The following TMEM117 variants were observed in gnomAD, a reference collection of about 807,000 sequenced individuals.
TMEM117 encodes transmembrane protein 117.
TMEM117 carries 27 observed loss-of-function variants against 52.4 expected under a neutral mutation model. The observed-to-expected ratio is 0.51, with a 90% CI of 0.38 to 0.71. The LOEUF (loss-of-function observed/expected upper bound fraction) is 0.71. TMEM117 is among the 30% of genes least tolerant of loss of function. TMEM117 has a pLI of 0.00. For synonymous variants in TMEM117, 215 were observed against 206.3 expected (o/e 1.04, Z -0.36); for missense variants, 556 against 630.5 (o/e 0.88, Z 1.26).
At chr12:43,922,955 AC>A (rs1944719469) in intron 2 of TMEM117, among the ~76,000 whole-genome samples, 1 of 152,158 alleles carries the variant, frequency 6.6e-6, no homozygotes, top group African/African-American at 2.4e-5. Flanking sequence ...CAGGCATGGG[AC>A]TTCCCAATAC....
chr12:44,143,583 G>T lies in TMEM117; in HGVS notation c.469G>T (p.Ala157Ser). 6.2e-7 allele frequency: 1 copy of T among 1,614,034 alleles called. No individual in the cohort carries two copies. The highest frequency in any genetic ancestry group is 1.1e-5 in the South Asian group (1 of 91,086). Reference protein sequence around the residue: ...IRNESFMKLAAVGTWMGDFVT... With the variant: ...IRNESFMKLASVGTWMGDFVT... Reference sequence around the variant, plus strand: ...AAATGAAAGTTTCATGAAATTAGCTGCAGTAGGGACCTGGATGGGGGACTT... The same window carrying T: ...AAATGAAAGTTTCATGAAATTAGCTTCAGTAGGGACCTGGATGGGGGACTT... Residue 157 changes from alanine (A) to serine (S), a missense_variant, in exon 4 of 8, where the codon GCA becomes TCA. Around this residue, in one of 3 missense-constraint regions of TMEM117, gnomAD observed 328 missense variants for 371.4 expected, o/e 0.88. Coordinates refer to ENST00000266534, the MANE Select transcript of TMEM117 (RefSeq NM_032256.3).
At chr12:44,011,148 G>C (rs1004506100) in intron 3 of TMEM117, among the ~76,000 whole-genome samples, 3 of 151,894 alleles carry the variant, frequency 2.0e-5, no homozygotes, top group South Asian at 2.1e-4. Flanking sequence ...AATTTCAGAG[G>C]GTACAGAATT....
Position 44,308,165 on chromosome 12 carries a change from G to A in TMEM117, c.768+8426G>A, listed in dbSNP as rs189653279. On this transcript the variant is annotated intron_variant, in intron 6 of 7. Coordinates refer to ENST00000266534, the MANE Select transcript of TMEM117 (RefSeq NM_032256.3). ...TAAAGTAAAATGCTTCAGTCCCTGG[G>A]GTATTCGTTTAAAAGAGAGCTAGAA... Among the ~76,000 whole-genome samples the A allele has an allele frequency of 5.6e-4, 85 of 152,164 alleles. No individual in the cohort carries two copies. The South Asian group carries it at 0.013, about 24-fold the overall frequency.
chr12:44,022,016 G>T (rs1946463491), intron 3 of TMEM117, among the ~76,000 whole-genome samples: 2 of 152,206 alleles, frequency 1.3e-5, no homozygotes, highest in African/African-American at 4.8e-5. Flanking sequence ...TAATAAGCCA[G>T]GTAGGTTTGT....
intron 2 of TMEM117, among the ~76,000 whole-genome samples, chr12:43,935,503 G>A (rs1413775263): frequency 2.0e-5 from 3 of 151,976 alleles, no homozygotes; most frequent in Non-Finnish European, 2.9e-5. Flanking sequence ...TTGTTACTTC[G>A]GGTTCATTTT....
At chr12:43,986,102 A>G (rs1297013476) in intron 3 of TMEM117, among the ~76,000 whole-genome samples, 1 of 152,160 alleles carries the variant, frequency 6.6e-6, no homozygotes, top group African/African-American at 2.4e-5. Context: ...AAGAAAAATT[A>G]CTGATTAAAG....
At chr12:44,149,937 C>G (rs1233352709) in intron 4 of TMEM117, among the ~76,000 whole-genome samples, 3 of 152,090 alleles carry the variant, frequency 2.0e-5, no homozygotes, top group Admixed American at 2.0e-4. Flanking sequence ...CCAGGATGAG[C>G]AAACTCATTG....
At chr12:44,008,962 T>C (rs1946246680) in intron 3 of TMEM117, 1 of 374,534 alleles carries the variant, frequency 2.7e-6, no homozygotes, top group Non-Finnish European at 5.3e-6. Flanking sequence ...TTGTGTCACA[T>C]TGGTGACGCT....
At chr12:44,246,699 G>A (rs978508071) in intron 5 of TMEM117, among the ~76,000 whole-genome samples, 1 of 152,156 alleles carries the variant, frequency 6.6e-6, no homozygotes, top group Non-Finnish European at 1.5e-5. Context: ...TTTGGGTTAA[G>A]AAGTAGACAC....
intron 3 of TMEM117, among the ~76,000 whole-genome samples, chr12:43,954,864 A>G (rs1319581783): frequency 6.6e-6 from 1 of 152,252 alleles, no homozygotes; most frequent in African/African-American, 2.4e-5. Context: ...CCTGATGAAC[A>G]TTCATGCAAA....
intron 4 of TMEM117, among the ~76,000 whole-genome samples, chr12:44,182,667 T>C (rs1395311001): frequency 6.6e-6 from 1 of 152,128 alleles, no homozygotes; most frequent in Non-Finnish European, 1.5e-5. Flanking sequence ...ATTGTAGAAT[T>C]GTTATGAAAG....
the TMEM117 span, chr12:43,802,452 A>G: frequency 6.2e-7 from 1 of 1,600,980 alleles, no homozygotes; most frequent in South Asian, 1.1e-5. Flanking sequence ...ATATGATCCA[A>G]TCACAAGTTG....
chr12:44,329,705 TTC>T (rs1273684578), intron 6 of TMEM117, among the ~76,000 whole-genome samples: 1 of 152,084 alleles, frequency 6.6e-6, no homozygotes, highest in African/African-American at 2.4e-5. Flanking sequence ...CTCTTCCACT[TTC>T]TGTCTTTATA....
At chr12:44,189,090 C>A (rs1949318022) in intron 4 of TMEM117, among the ~76,000 whole-genome samples, 1 of 152,016 alleles carries the variant, frequency 6.6e-6, no homozygotes. Context: ...TCTCTTCTAG[C>A]TATTTTGAAA....
chr12:44,053,284 G>A lies in TMEM117; in HGVS notation c.411-90241G>A, dbSNP rs975364234. ...GAATTGATTCAAGACTTAGGAAAGC[G>A]CTGTAGTTACTATAGTTACAATGAT... On this transcript the variant is annotated intron_variant, in intron 3 of 7. Coordinates refer to ENST00000266534, the MANE Select transcript of TMEM117 (RefSeq NM_032256.3). Among the ~76,000 whole-genome samples, 38 of 152,100 alleles carry A rather than the reference G, an allele frequency of 2.5e-4. 1 individual carries two copies. The highest frequency in any genetic ancestry group is 2.1e-3 in the Admixed American group (32 of 15,262).
At chr12:44,303,942 G>A (rs1950873215) in intron 6 of TMEM117, among the ~76,000 whole-genome samples, 1 of 152,146 alleles carries the variant, frequency 6.6e-6, no homozygotes, top group African/African-American at 2.4e-5. Flanking sequence ...TGGGACAAAT[G>A]GAGCAAAATA....
At chr12:44,059,958 T>C (rs1294598428) in intron 3 of TMEM117, among the ~76,000 whole-genome samples, 1 of 152,238 alleles carries the variant, frequency 6.6e-6, no homozygotes, top group African/African-American at 2.4e-5. Flanking sequence ...AATAGCTGTA[T>C]GATTCTGCTA....
At chr12:43,939,764 G>C (rs1319574334) in intron 2 of TMEM117, among the ~76,000 whole-genome samples, 1 of 152,178 alleles carries the variant, frequency 6.6e-6, no homozygotes, top group Non-Finnish European at 1.5e-5. Flanking sequence ...ATGTGTATTA[G>C]TCTGTTCTCA....
Position 44,388,012 on chromosome 12 carries a change from CT to C in TMEM117, c.899-8del. 6.3e-7 allele frequency: 1 copy of C among 1,590,758 alleles called. No homozygotes were observed. The highest frequency in any genetic ancestry group is 1.1e-5 in the South Asian group (1 of 87,724). On this transcript the variant is annotated splice_polypyrimidine_tract_variant and intron_variant, in intron 7 of 7. Transcript: ENST00000266534. The stretch of plus-strand genomic sequence containing the variant: ...TGGCCCTTTGATTAATGCAGTATTT[CT>C]TTTTTAATGCAGGCAAATGGTTTAA...
Sources: allele counts gnomAD v4.1 joint callset (sites outside exome capture counted in the v4.1 genomes callset), GRCh38; gene constraint gnomAD v4.1.1; regional missense constraint gnomAD v4.1.1; transcripts MANE v1.5; gene names NCBI Gene and HGNC (gene_info 2026-07-23, HGNC 2026-07-21).